Variants in CEP63 observed in about 807,000 individuals in gnomAD.
CEP63 encodes the protein centrosomal protein of 63 kDa.
Under a neutral mutation model 89.1 loss-of-function variants are expected in CEP63, and 84 were observed. The observed-to-expected ratio is 0.94, with a 90% CI of 0.79 to 1.13. The LOEUF is 1.13. Among genes scored for constraint, CEP63 ranks in the 50% most tolerant of loss-of-function variants. CEP63 has a pLI of 0.00. For synonymous variants in CEP63, 267 were observed against 272.5 expected, an observed-to-expected ratio of 0.98 and a Z score of 0.20; for missense variants, 838 against 813.3, an observed-to-expected ratio of 1.03 and a Z score of -0.37.
Position 134,562,031 on chromosome 3 carries a change from G to A in CEP63, c.*496G>A. The A allele has an allele frequency of 9.9e-7, 1 of 1,009,866 alleles. No homozygotes were observed. Among genetic ancestry groups the A allele is most frequent in the Non-Finnish European group, 1.2e-6 (1 of 844,942 alleles). 62.6% of individuals were successfully genotyped at this position (1,009,866 alleles called of 1,614,324 possible). Reference sequence around the variant, plus strand: ...GGTAGCCCCTCCTAGCCAAGGGGCTGGTAGTGTGTAAAGTCAGGCTGGTAG... The same window carrying A: ...GGTAGCCCCTCCTAGCCAAGGGGCTAGTAGTGTGTAAAGTCAGGCTGGTAG... On this transcript the variant is annotated 3_prime_UTR_variant, in exon 15 of 15. Coordinates refer to ENST00000675561, the MANE Select transcript of CEP63 (RefSeq NM_001353108.3).
At chr3:134,669,811 A>G in the CEP63 span, among the ~76,000 whole-genome samples, 1 of 152,220 alleles carries the variant, frequency 6.6e-6, no homozygotes, top group Admixed American at 6.5e-5. Context: ...TGCACAAGAA[A>G]AGGTTTTAAT....
At chr3:134,534,681 C>T (rs369981547) in intron 5 of CEP63, among the ~76,000 whole-genome samples, 2 of 152,168 alleles carry the variant, frequency 1.3e-5, no homozygotes, top group Non-Finnish European at 2.9e-5. Flanking sequence ...TGTCATGTAT[C>T]GCTGAACGTG....
the CEP63 span, among the ~76,000 whole-genome samples, chr3:134,649,258 A>G: frequency 1.3e-5 from 2 of 152,210 alleles, no homozygotes; most frequent in East Asian, 3.8e-4. Context: ...ACTAGTGTGC[A>G]TACATGAGTC....
At chr3:134,607,710 A>G in the CEP63 span, 8 of 985,826 alleles carry the variant, frequency 8.1e-6, no homozygotes, top group African/African-American at 1.2e-4. Flanking sequence ...AGAGTGTGCA[A>G]ACATACTCAG....
chr3:134,764,810 A>C, the CEP63 span, among the ~76,000 whole-genome samples: 1 of 152,204 alleles, frequency 6.6e-6, no homozygotes, highest in Admixed American at 6.5e-5. Flanking sequence ...TTGGAGAATA[A>C]ACTGAGCTTG....
chr3:134,620,912 G>A, the CEP63 span: 132 of 1,090,956 alleles, frequency 1.2e-4, no homozygotes, highest in Non-Finnish European at 1.7e-4. Context: ...GCTGTTGGGG[G>A]CCCAGCATCT....
chr3:134,680,372 T>G, the CEP63 span, among the ~76,000 whole-genome samples: 1 of 152,162 alleles, frequency 6.6e-6, no homozygotes, highest in Non-Finnish European at 1.5e-5. Context: ...ACAAAGGCCA[T>G]TGGGGAAAGG....
At chr3:134,625,208 CT>C in the CEP63 span, 27 of 1,172,110 alleles carry the variant, frequency 2.3e-5, no homozygotes, top group Non-Finnish European at 3.1e-5. Context: ...GCCTTGCTGT[CT>C]CTTTGAGGAG....
downstream of CEP63, among the ~76,000 whole-genome samples, chr3:134,568,948 G>A (rs566248833): frequency 3.9e-5 from 6 of 152,304 alleles, no homozygotes; most frequent in Admixed American, 2.0e-4. Context: ...CAATCATGGC[G>A]GAAGGCAAGG....
Position 134,562,219 on chromosome 3 carries a change from C to T in CEP63, c.*684C>T, listed in dbSNP as rs927417471. The T allele has an allele frequency of 2.8e-5, 28 of 985,580 alleles. No individual in the cohort carries two copies. In the Middle Eastern group the frequency reaches 1.5e-3, roughly 55 times the overall value. 61.1% of individuals were successfully genotyped at this position (985,580 alleles called of 1,614,324 possible). A position where few individuals can be genotyped will look rare whatever the true frequency, so the allele number is the denominator to read the frequency against. On this transcript the variant is annotated 3_prime_UTR_variant, in exon 15 of 15. Transcript: ENST00000675561. The stretch of plus-strand genomic sequence containing the variant: ...TGTTCATCGTCTGCACTGCTGAGGA[C>T]AAGTTTAGATGGGAGACAAAGATCT...
chr3:134,555,036 A>C (rs1045639831), intron 12 of CEP63, among the ~76,000 whole-genome samples: 1 of 152,118 alleles, frequency 6.6e-6, no homozygotes, highest in Non-Finnish European at 1.5e-5. Flanking sequence ...TGATTATCTC[A>C]ATAGATGCAG....
the CEP63 span, among the ~76,000 whole-genome samples, chr3:134,684,442 C>G: frequency 6.6e-6 from 1 of 152,256 alleles, no homozygotes; most frequent in African/African-American, 2.4e-5. Context: ...TCCACTGTCT[C>G]TTTTGACTTT....
the CEP63 span, among the ~76,000 whole-genome samples, chr3:134,745,661 C>A: frequency 3.3e-5 from 5 of 151,888 alleles, no homozygotes; most frequent in Non-Finnish European, 1.5e-5. Context: ...TTAGGTATTT[C>A]TCTTAATGCT....
chr3:134,531,311 G>A (rs911809651), intron 3 of CEP63, among the ~76,000 whole-genome samples: 2 of 152,130 alleles, frequency 1.3e-5, no homozygotes, highest in Middle Eastern at 3.2e-3. Context: ...TCGGCCGGGC[G>A]CGATGGCTCA....
chr3:134,744,282 A>G, the CEP63 span, among the ~76,000 whole-genome samples: 1 of 152,192 alleles, frequency 6.6e-6, no homozygotes, highest in Non-Finnish European at 1.5e-5. Context: ...GTGGCCAGAT[A>G]TAGCCTTTGG....
At chr3:134,511,060 G>T in intron 3 of CEP63, 1 of 163,092 alleles carries the variant, frequency 6.1e-6, no homozygotes, top group South Asian at 1.5e-4. Context: ...GAAGGCACAC[G>T]GGTGCTTATG....
At chr3:134,686,743 A>G in the CEP63 span, among the ~76,000 whole-genome samples, 1 of 152,216 alleles carries the variant, frequency 6.6e-6, no homozygotes, top group Non-Finnish European at 1.5e-5. Context: ...AACGGTGCTT[A>G]GTGCTTTGTT....
At chr3:134,568,499 A>T (rs775647183), downstream of CEP63, among the ~76,000 whole-genome samples, 15 of 152,122 alleles carry the variant, frequency 9.9e-5, no homozygotes. Context: ...GTGCTTCCCC[A>T]AGGATCCCCT....
chr3:134,554,353 G>A (rs1172098500), intron 12 of CEP63, among the ~76,000 whole-genome samples: 1 of 147,170 alleles, frequency 6.8e-6, no homozygotes, highest in Non-Finnish European at 1.5e-5. Context: ...TTGTTCTTGT[G>A]ATAGTTTACT....
Sources: allele counts gnomAD v4.1 joint callset (sites outside exome capture counted in the v4.1 genomes callset), GRCh38; gene constraint gnomAD v4.1.1; transcripts MANE v1.5; gene names NCBI Gene and HGNC (gene_info 2026-07-23, HGNC 2026-07-21).